The following MACROD2 variants were observed in gnomAD, a reference collection of about 807,000 sequenced individuals.
MACROD2 encodes mono-ADP ribosylhydrolase 2.
In MACROD2, 36 loss-of-function variants were observed where a neutral mutation model predicts 70.4. The ratio of observed to expected loss-of-function variants is 0.51; its 90% CI spans 0.39 to 0.68. The LOEUF (loss-of-function observed/expected upper bound fraction) is 0.68. Ranked by LOEUF, MACROD2 falls within the 30% of genes least tolerant of loss-of-function variation. The pLI, the probability that MACROD2 is intolerant of heterozygous loss-of-function variation, is 0.00. For synonymous variants in MACROD2, 172 were observed against 178.8 expected, an observed-to-expected ratio of 0.96 and a Z score of 0.30; for missense variants, 496 against 538.4, an observed-to-expected ratio of 0.92 and a Z score of 0.78.
intron 2 of MACROD2, among the ~76,000 whole-genome samples, chr20:14,059,932 C>G (rs1022829188): frequency 6.6e-6 from 1 of 152,018 alleles, no homozygotes; most frequent in African/African-American, 2.4e-5. Context: ...AGTAATAGAC[C>G]CAGACATGTG....
intron 6 of MACROD2, among the ~76,000 whole-genome samples, chr20:15,310,605 G>A (rs1184539579): frequency 4.6e-5 from 7 of 152,276 alleles, no homozygotes; most frequent in Admixed American, 2.6e-4. Context: ...TCAGCATTCA[G>A]GAAGTGAGGA....
rs1024240561 is a variant in MACROD2, at chr20:14,656,555, C to G, written c.302-28288C>G. 3.3e-5 allele frequency among the ~76,000 whole-genome samples: 5 copies of G among 152,218 alleles called. No individual in the cohort carries two copies. In the East Asian group the frequency reaches 9.6e-4, roughly 29 times the overall value. ...GTTTATTTCTATATCCTTGCCAAAACTGGCAGTGCATATAGGCTGAACCAT... is the reference window on the plus strand; with the variant it reads ...GTTTATTTCTATATCCTTGCCAAAAGTGGCAGTGCATATAGGCTGAACCAT... On this transcript the variant is annotated intron_variant, in intron 4 of 17. Transcript: ENST00000684519.
At chr20:15,769,967 C>T (rs1324616762) in intron 8 of MACROD2, among the ~76,000 whole-genome samples, 1 of 151,854 alleles carries the variant, frequency 6.6e-6, no homozygotes, top group Non-Finnish European at 1.5e-5. Context: ...CAGGTAGACA[C>T]ACATGCATGT....
At chr20:15,862,882 G>GGC in intron 9 of MACROD2, 56 bp downstream of exon 9, 14 of 1,290,494 alleles carry the variant, frequency 1.1e-5, no homozygotes, top group African/African-American at 1.5e-5. Flanking sequence ...AAGTGGAGCC[G>GGC]TCACTTCTAT....
At chr20:14,731,388 C>T (rs985610532) in intron 5 of MACROD2, among the ~76,000 whole-genome samples, 1 of 152,106 alleles carries the variant, frequency 6.6e-6, no homozygotes, top group Admixed American at 6.6e-5. Context: ...TAAACAGAAT[C>T]CACGATCTCT....
intron 3 of MACROD2, among the ~76,000 whole-genome samples, chr20:14,440,678 A>G (rs35014878): frequency 0.12 from 18,882 of 152,196 alleles, 1,526 homozygotes; most frequent in Non-Finnish European, 0.17. Context: ...CTTTTCCACA[A>G]GGTTGGCCTG....
intron 2 of MACROD2, among the ~76,000 whole-genome samples, chr20:14,078,787 A>G (rs908197240): frequency 7.9e-5 from 12 of 152,106 alleles, no homozygotes; most frequent in Admixed American, 4.6e-4. Context: ...TTTTTCTTTC[A>G]CCTAGTAAAA....
chr20:14,100,541 C>T (rs1319009873), intron 3 of MACROD2, among the ~76,000 whole-genome samples: 4 of 146,846 alleles, frequency 2.7e-5, no homozygotes, highest in Non-Finnish European at 6.0e-5. Context: ...ATTTTACTAT[C>T]CAGAAATAAC....
chr20:14,493,278 GAT>G (rs781657292), intron 3 of MACROD2, among the ~76,000 whole-genome samples, 199 bp from the exon 4 acceptor site: 30 of 151,814 alleles, frequency 2.0e-4, no homozygotes, highest in Non-Finnish European at 3.2e-4. Flanking sequence ...AGAGAAAAAA[GAT>G]AAAAGTAGTG....
intron 5 of MACROD2, among the ~76,000 whole-genome samples, chr20:14,947,023 C>T (rs995582787): frequency 3.3e-5 from 5 of 152,092 alleles, no homozygotes; most frequent in African/African-American, 1.2e-4. Context: ...AAGTTTGATC[C>T]CTTCCAGATG....
chr20:14,230,814 A>G (rs2081803481), intron 3 of MACROD2, among the ~76,000 whole-genome samples: 1 of 150,188 alleles, frequency 6.7e-6, no homozygotes, highest in African/African-American at 2.5e-5. Flanking sequence ...TGTGGCAGTT[A>G]TAGCCCTATT....
intron 8 of MACROD2, among the ~76,000 whole-genome samples, chr20:15,554,775 G>A (rs1453333796): frequency 1.3e-5 from 2 of 152,140 alleles, no homozygotes; most frequent in Non-Finnish European, 2.9e-5. Flanking sequence ...TTTAAGGAGG[G>A]CATGAGTTTA....
intron 6 of MACROD2, among the ~76,000 whole-genome samples, chr20:15,298,472 A>C (rs1388254704): frequency 6.6e-6 from 1 of 152,234 alleles, no homozygotes; most frequent in Admixed American, 6.5e-5. Context: ...ACTGGCTGGC[A>C]TAAGAAGAGT....
intron 8 of MACROD2, among the ~76,000 whole-genome samples, chr20:15,668,792 C>T (rs190045302): frequency 1.7e-4 from 26 of 152,310 alleles, no homozygotes; most frequent in Non-Finnish European, 8.8e-5. Flanking sequence ...AAACCTGAAG[C>T]TTGTATTATC....
intron 3 of MACROD2, among the ~76,000 whole-genome samples, chr20:14,358,879 A>G (rs908481914): frequency 3.9e-5 from 6 of 152,136 alleles, no homozygotes; most frequent in South Asian, 2.1e-4. Flanking sequence ...TGCTTCACAG[A>G]TAAGTTTTTG....
intron 6 of MACROD2, among the ~76,000 whole-genome samples, chr20:15,384,651 C>T (rs755634768): frequency 3.2e-4 from 48 of 152,086 alleles, no homozygotes; most frequent in Non-Finnish European, 5.7e-4. Flanking sequence ...GTTATATTAA[C>T]GGCTGGGTCA....
At chr20:15,582,336 C>G (rs6105439) in intron 8 of MACROD2, among the ~76,000 whole-genome samples, 1 of 151,986 alleles carries the variant, frequency 6.6e-6, no homozygotes, top group African/African-American at 2.4e-5. Flanking sequence ...AGGAATTCAC[C>G]TAGTGCTTGG....
intron 4 of MACROD2, among the ~76,000 whole-genome samples, chr20:14,530,319 G>T (rs1010178846): frequency 8.5e-5 from 13 of 152,176 alleles, no homozygotes; most frequent in South Asian, 2.1e-4. Context: ...AACAACAACT[G>T]CCACATTCCT....
intron 5 of MACROD2, among the ~76,000 whole-genome samples, chr20:15,021,076 GTA>G (rs563567745): frequency 3.0e-5 from 4 of 133,896 alleles, no homozygotes; most frequent in East Asian, 4.6e-4. Flanking sequence ...ACACATGTGT[GTA>G]TGTGTATACA....
Sources: allele counts gnomAD v4.1 joint callset (sites outside exome capture counted in the v4.1 genomes callset), GRCh38; gene constraint gnomAD v4.1.1; transcripts MANE v1.5; gene names NCBI Gene and HGNC (gene_info 2026-07-23, HGNC 2026-07-21).